Variants in KLHL21 observed in about 807,000 individuals in gnomAD.
KLHL21 encodes kelch-like protein 21.
In KLHL21, 42 loss-of-function variants were observed where a neutral mutation model predicts 44.1. The observed-to-expected ratio is 0.95, with a 90% CI of 0.74 to 1.23. The LOEUF (loss-of-function observed/expected upper bound fraction) is 1.23, where lower values mean the gene tolerates loss of function less well. Ranked by LOEUF, KLHL21 falls within the 50% of genes most tolerant of loss-of-function variation. The pLI, the probability that KLHL21 is intolerant of heterozygous loss-of-function variation, is 0.00. For synonymous variants in KLHL21, 524 were observed against 411.6 expected, an observed-to-expected ratio of 1.27 and a Z score of -3.31; for missense variants, 918 against 889.1, an observed-to-expected ratio of 1.03 and a Z score of -0.41.
rs763122205 is a variant in KLHL21, at chr1:6,602,500, A to C, written c.318T>G (p.Ala106=). 3 of 1,548,984 alleles carry C rather than the reference A, an allele frequency of 1.9e-6. No homozygotes were observed. Among genetic ancestry groups the C allele is most frequent in the Non-Finnish European group, 2.6e-6 (3 of 1,153,566 alleles). The part of the protein sequence containing the change: ...TGRVAVSGDN[A]EPLLRAADLL... The stretch of plus-strand genomic sequence containing the variant: ...GGTCGGCGGCGCGCAGCAGCGGCTC[A>C]GCGTTGTCGCCGCTTACCGCCACGC... The change falls in exon 1 of 4, where the codon GCT becomes GCG. Residue 106 remains alanine, a synonymous_variant. Transcript: ENST00000377658.
At chr1:6,596,516 C>CAGACAATGCAT (rs1553121353) in intron 2 of KLHL21, among the ~76,000 whole-genome samples, 1 of 152,254 alleles carries the variant, frequency 6.6e-6, no homozygotes, top group Non-Finnish European at 1.5e-5. Context: ...AAACCAGCCA[C>CAGACAATGCAT]AGACAATGCA....
In KLHL21 at chr1:6,602,398, G is replaced by C. The variant is rs1343989785; in HGVS notation, c.420C>G (p.Asp140Glu). ...QQQLDLANCL[D>E]MQDFAEAFSC... ...TGAAGGCCTCAGCGAAGTCCTGCATGTCCAGGCAGTTGGCCAGGTCGAGCT... is the reference window on the plus strand; with the variant it reads ...TGAAGGCCTCAGCGAAGTCCTGCATCTCCAGGCAGTTGGCCAGGTCGAGCT... The change falls in exon 1 of 4, where the codon GAC becomes GAG. Residue 140 changes from aspartate to glutamate, a missense_variant. Transcript: ENST00000377658. The C allele has an allele frequency of 6.3e-7, 1 of 1,595,562 alleles. No homozygotes were observed. The highest frequency in any genetic ancestry group is 1.3e-5 in the African/African-American group (1 of 74,642).
At chr1:6,595,439 T>C (rs761135493) in intron 3 of KLHL21, 46 bp downstream of exon 3, 1 of 1,594,840 alleles carries the variant, frequency 6.3e-7, no homozygotes, top group South Asian at 1.1e-5. Flanking sequence ...GGTTGCAAAA[T>C]CAGGACCAGC....
intron 3 of KLHL21, 139 bp downstream of exon 3, chr1:6,595,346 G>A (rs1282203704): frequency 1.3e-6 from 1 of 770,376 alleles, no homozygotes; most frequent in Non-Finnish European, 2.3e-6. Context: ...TGCAAAATAA[G>A]GGTAAGAGCA....
In KLHL21 at chr1:6,599,377, G is replaced by A. The variant is rs139415576; in HGVS notation, c.1097C>T (p.Ala366Val). ...GTACTCGCGGGCCTTCAGCATGGGC[G>A]CCACCTCCGCCCACTCATTCACGCT... ...NSSVNEWAEV[A>V]PMLKAREYHS... Residue 366 changes from alanine (A) to valine (V), a missense_variant, in exon 2 of 4, where the codon GCG (alanine) becomes GTG (valine). By Grantham distance (64) the Ala-to-Val change is moderately conservative. Transcript: ENST00000377658. 138 of 1,613,610 alleles carry A rather than the reference G, an allele frequency of 8.6e-5. No individual in the cohort carries two copies. The African/African-American group carries it at 1.8e-3, about 21-fold the overall frequency.
intron 1 of KLHL21, among the ~76,000 whole-genome samples, chr1:6,601,589 A>C (rs1641019828): frequency 1.3e-5 from 2 of 152,214 alleles, no homozygotes; most frequent in South Asian, 4.1e-4. Flanking sequence ...ACAGAGACCC[A>C]CAAGCAGCTA....
At chr1:6,593,837 C>T (rs1193218201) in intron 3 of KLHL21, 179 bp from the exon 4 acceptor site, 36 of 1,368,522 alleles carry the variant, frequency 2.6e-5, no homozygotes, top group Non-Finnish European at 3.4e-5. Flanking sequence ...GAGAACGGGC[C>T]TCCCCGGAGG....
At position 6,591,430 on chromosome 1, in the gene KLHL21, G is replaced by C. The variant is rs1044210227; in HGVS notation, c.*1935C>G. On this transcript the variant is annotated 3_prime_UTR_variant, in exon 4 of 4. Transcript: ENST00000377658. Reference sequence around the variant, plus strand: ...AAACAGGAACCCAGAGTTCCACAGGGGCAAGGCCTCGCAGACCAGCCAAGC... The same window carrying C: ...AAACAGGAACCCAGAGTTCCACAGGCGCAAGGCCTCGCAGACCAGCCAAGC... The C allele has an allele frequency of 6.2e-6, 1 of 160,768 alleles. No individual in the cohort carries two copies. Among genetic ancestry groups the C allele is most frequent in the African/African-American group, 2.4e-5 (1 of 41,908 alleles). 10.0% of individuals were successfully genotyped at this position (160,768 alleles called of 1,614,324 possible). A position where few individuals can be genotyped will look rare whatever the true frequency, so the allele number is the denominator to read the frequency against.
intron 1 of KLHL21, among the ~76,000 whole-genome samples, chr1:6,600,397 C>T (rs1053761802): frequency 7.2e-5 from 11 of 152,180 alleles, no homozygotes; most frequent in African/African-American, 2.7e-4. Context: ...TGGCTGTAAT[C>T]GTAAATTACA....
Position 6,591,780 on chromosome 1 carries a change from A to C in KLHL21, c.*1585T>G, listed in dbSNP as rs2148699730. ...AGAAGGGCAGGAAAAGGTCCAGGGCACAGGGCAAGCAACAGTGCCAGAGGG... is the reference window on the plus strand; with the variant it reads ...AGAAGGGCAGGAAAAGGTCCAGGGCCCAGGGCAAGCAACAGTGCCAGAGGG... On this transcript the variant is annotated 3_prime_UTR_variant, in exon 4 of 4. Transcript: ENST00000377658. 6.5e-6 allele frequency: 1 copy of C among 153,324 alleles called. No individual in the cohort carries two copies. Among genetic ancestry groups the C allele is most frequent in the East Asian group, 1.9e-4 (1 of 5,214 alleles). 9.5% of individuals were successfully genotyped at this position (153,324 alleles called of 1,614,324 possible). A position where few individuals can be genotyped will look rare whatever the true frequency, so the allele number is the denominator to read the frequency against.
intron 1 of KLHL21, among the ~76,000 whole-genome samples, chr1:6,600,369 A>G (rs577815289): frequency 1.3e-5 from 2 of 152,288 alleles, no homozygotes; most frequent in South Asian, 4.1e-4. Context: ...ATAAAAAGCT[A>G]AGAATAAAAA....
chr1:6,597,626 C>T (rs535069811), intron 2 of KLHL21, among the ~76,000 whole-genome samples: 4 of 152,240 alleles, frequency 2.6e-5, no homozygotes, highest in Admixed American at 1.3e-4. Context: ...GTGCTCACTC[C>T]AAAAGCCTGG....
In KLHL21 at chr1:6,592,894, T is replaced by C. The variant is rs1205270679; in HGVS notation, c.*471A>G. 2.5e-5 allele frequency: 4 copies of C among 159,646 alleles called. No individual in the cohort carries two copies. The highest frequency in any genetic ancestry group is 5.5e-5 in the Non-Finnish European group (4 of 72,450). 9.9% of individuals were successfully genotyped at this position (159,646 alleles called of 1,614,324 possible). ...TAGGGAGGCAGGCTCCCCACACCTC[T>C]GGACATGGAATTTGGGACCCCACTT... On this transcript the variant is annotated 3_prime_UTR_variant, in exon 4 of 4. Transcript: ENST00000377658.
chr1:6,602,794 G>A lies in KLHL21; in HGVS notation c.24C>T (p.Ala8=), dbSNP rs1355277428. The A allele has an allele frequency of 1.2e-5, 17 of 1,467,014 alleles. No individual in the cohort carries two copies. The highest frequency in any genetic ancestry group is 1.5e-5 in the Non-Finnish European group (17 of 1,119,508). The allele number at this position is 1,467,014 out of a possible 1,614,324, so 90.9% of individuals were successfully genotyped here. A position where few individuals can be genotyped will look rare whatever the true frequency, so the allele number is the denominator to read the frequency against. ...GCGCGGGGTCCGAGAAGGGAAGCAC[G>A]GCCAGGGGCGCCGGTCGCTCCATGG... MERPAPL[A]VLPFSDPAHA... The change falls in exon 1 of 4, where the codon GCC becomes GCT. Residue 8 remains alanine, a synonymous_variant. Coordinates refer to ENST00000377658, the MANE Select transcript of KLHL21 (RefSeq NM_014851.4).
At chr1:6,595,219 C>T (rs1389292726) in intron 3 of KLHL21, 1 of 603,980 alleles carries the variant, frequency 1.7e-6, no homozygotes, top group Non-Finnish European at 3.0e-6. Flanking sequence ...GCCTTGCTCC[C>T]TCACTTCCTT....
chr1:6,601,905 C>A lies in KLHL21; in HGVS notation c.913G>T (p.Asp305Tyr), dbSNP rs746043172. ...DQDCDELVTV[D>Y]CYNPQTGQWR... ...TGACCCGTCTGCGGGTTGTAGCAGTCGACAGTGACCAGCTCGTCACAGTCC... is the reference window on the plus strand; with the variant it reads ...TGACCCGTCTGCGGGTTGTAGCAGTAGACAGTGACCAGCTCGTCACAGTCC... Residue 305 changes from aspartate (D) to tyrosine (Y), a missense_variant, in exon 1 of 4, where the codon GAC becomes TAC. By Grantham distance (160) the Asp-to-Tyr change is radical. Transcript: ENST00000377658. 2 of 1,565,358 alleles carry A rather than the reference C, an allele frequency of 1.3e-6. No homozygotes were observed. Among genetic ancestry groups the A allele is most frequent in the South Asian group, 1.2e-5 (1 of 85,258 alleles).
intron 3 of KLHL21, chr1:6,594,847 A>C (rs149640941): frequency 6.5e-6 from 1 of 152,926 alleles, no homozygotes; most frequent in Non-Finnish European, 1.5e-5. Flanking sequence ...TGGGTAACAC[A>C]GCAAGACCCT....
chr1:6,593,999 G>T, intron 3 of KLHL21: 2 of 1,078,720 alleles, frequency 1.9e-6, no homozygotes, highest in Non-Finnish European at 2.3e-6. Context: ...CCATGTTACA[G>T]ATGGGAAAAC....
At chr1:6,596,501 G>T (rs1640929548) in intron 2 of KLHL21, among the ~76,000 whole-genome samples, 1 of 152,230 alleles carries the variant, frequency 6.6e-6, no homozygotes, top group South Asian at 2.1e-4. Context: ...TGACACGGCA[G>T]CACAAAACCA....
Sources: gnomAD v4.1 joint callset for allele counts (sites outside exome capture counted in the v4.1 genomes callset) on GRCh38, gnomAD v4.1.1 for gene constraint, MANE v1.5 for transcripts, NCBI Gene and HGNC (gene_info 2026-07-23, HGNC 2026-07-21) for gene names.